GPC5: variants seen among roughly 807,000 people sequenced by gnomAD.
The protein encoded by GPC5 is glypican-5.
GPC5 carries 47 observed loss-of-function variants against 53.9 expected under a neutral mutation model. That is an observed-to-expected ratio of 0.87 (90% CI 0.69 to 1.11). The LOEUF (loss-of-function observed/expected upper bound fraction) is 1.11, where lower values mean the gene tolerates loss of function less well. Among genes scored for constraint, GPC5 ranks in the 50% most tolerant of loss-of-function variants. The pLI, the probability that GPC5 is intolerant of heterozygous loss-of-function variation, is 0.00. For synonymous variants in GPC5, 286 were observed against 263.3 expected (o/e 1.09, Z -0.84); for missense variants, 748 against 713.1 (o/e 1.05, Z -0.56).
chr13:91,832,257 T>TAAA (rs2038669038), intron 5 of GPC5, among the ~76,000 whole-genome samples: 1 of 151,818 alleles, frequency 6.6e-6, no homozygotes, highest in Non-Finnish European at 1.5e-5. Flanking sequence ...TTTGTTGGTT[T>TAAA]AAAGTCTTAT....
intron 7 of GPC5, among the ~76,000 whole-genome samples, chr13:92,672,780 G>A (rs1035948579): frequency 2.0e-5 from 3 of 152,084 alleles, no homozygotes; most frequent in Non-Finnish European, 4.4e-5. Context: ...AACTAACATA[G>A]GAAGAGAAAA....
intron 7 of GPC5, among the ~76,000 whole-genome samples, chr13:92,691,529 C>A (rs181306891): frequency 0.071 from 10,825 of 151,604 alleles, 476 homozygotes; most frequent in Admixed American, 0.13. Context: ...CCGTCTTCTG[C>A]GTCGCTCACG....
chr13:92,558,208 A>T (rs1882567078), intron 7 of GPC5, among the ~76,000 whole-genome samples: 1 of 152,062 alleles, frequency 6.6e-6, no homozygotes, highest in Non-Finnish European at 1.5e-5. Flanking sequence ...AGGAAAGCTG[A>T]TAAGGATAAT....
intron 2 of GPC5, among the ~76,000 whole-genome samples, chr13:91,658,648 TA>T (rs1234713382): frequency 6.6e-6 from 1 of 152,196 alleles, no homozygotes; most frequent in African/African-American, 2.4e-5. Context: ...TGTTTCTGAC[TA>T]ATATAATTAC....
At chr13:92,597,126 T>G (rs1883907370) in intron 7 of GPC5, among the ~76,000 whole-genome samples, 1 of 152,202 alleles carries the variant, frequency 6.6e-6, no homozygotes, top group Non-Finnish European at 1.5e-5. Context: ...CTTACAATGA[T>G]TTAACATGCA....
intron 7 of GPC5, among the ~76,000 whole-genome samples, chr13:92,603,910 G>T (rs1278236527): frequency 6.6e-6 from 1 of 152,232 alleles, no homozygotes; most frequent in East Asian, 1.9e-4. Context: ...TGGGGACCAG[G>T]TCTGGAAGTT....
intron 2 of GPC5, among the ~76,000 whole-genome samples, chr13:91,452,100 A>G (rs949039419): frequency 2.0e-5 from 3 of 151,158 alleles, no homozygotes; most frequent in African/African-American, 7.3e-5. Context: ...TTCTCCTACT[A>G]CAGCCTCCCG....
intron 5 of GPC5, among the ~76,000 whole-genome samples, chr13:91,790,138 A>G (rs2037941852): frequency 6.6e-6 from 1 of 152,100 alleles, no homozygotes; most frequent in Non-Finnish European, 1.5e-5. Context: ...CATCTTTTAT[A>G]TTTTTTATAC....
chr13:92,553,517 A>G (rs901418761), intron 7 of GPC5, among the ~76,000 whole-genome samples: 5 of 151,942 alleles, frequency 3.3e-5, no homozygotes, highest in African/African-American at 2.4e-5. Flanking sequence ...CAATAAATTT[A>G]TATGGTAATG....
At chr13:91,951,211 A>C (rs928028501) in intron 6 of GPC5, among the ~76,000 whole-genome samples, 20 of 152,136 alleles carry the variant, frequency 1.3e-4, no homozygotes, top group Non-Finnish European at 4.4e-5. Flanking sequence ...AATAATTATA[A>C]ATTATCTAAA....
At chr13:92,865,757 A>C (rs1326382166) in intron 7 of GPC5, among the ~76,000 whole-genome samples, 2 of 152,166 alleles carry the variant, frequency 1.3e-5, no homozygotes, top group East Asian at 1.9e-4. Flanking sequence ...ATTGTACCCC[A>C]TCAATATCTA....
intron 7 of GPC5, among the ~76,000 whole-genome samples, chr13:92,186,490 TAATAA>T (rs2042184676): frequency 6.6e-6 from 1 of 152,016 alleles, no homozygotes; most frequent in Non-Finnish European, 1.5e-5. Flanking sequence ...TAGGTTTCTA[TAATAA>T]AATATATTAA....
chr13:91,812,027 A>G (rs2038320037), intron 5 of GPC5, among the ~76,000 whole-genome samples: 1 of 152,214 alleles, frequency 6.6e-6, no homozygotes, highest in African/African-American at 2.4e-5. Flanking sequence ...TATATAGACT[A>G]TGAATAAAGT....
At chr13:92,427,878 G>A (rs1224921404) in intron 7 of GPC5, among the ~76,000 whole-genome samples, 1 of 152,102 alleles carries the variant, frequency 6.6e-6, no homozygotes, top group African/African-American at 2.4e-5. Context: ...AGAAGTGTTT[G>A]CCAAAAAGTA....
chr13:92,093,459 C>G lies in GPC5; in HGVS notation c.1402-51371C>G, dbSNP rs186551195. On this transcript the variant is annotated intron_variant, in intron 6 of 7. Coordinates refer to ENST00000377067, the MANE Select transcript of GPC5 (RefSeq NM_004466.6). ...ATGTATATAAAAATACACGAACTCA[C>G]ATAGTTATATCAGAGAATTATTTAT... is the stretch of plus-strand genomic sequence containing the variant. 4.1e-3 allele frequency among the ~76,000 whole-genome samples: 626 copies of G among 152,164 alleles called. 2 individuals are homozygous for G. Among genetic ancestry groups the G allele is most frequent in the Non-Finnish European group, 6.1e-3 (413 of 67,968 alleles).
At chr13:91,806,253 C>CTTGT in intron 5 of GPC5, among the ~76,000 whole-genome samples, 1 of 151,688 alleles carries the variant, frequency 6.6e-6, no homozygotes, top group Admixed American at 6.6e-5. Flanking sequence ...CCAGGCTGGT[C>CTTGT]TTGTACTCGT....
chr13:92,269,414 T>TC (rs1566511731), intron 7 of GPC5, among the ~76,000 whole-genome samples: 1 of 150,628 alleles, frequency 6.6e-6, no homozygotes, highest in African/African-American at 2.5e-5. Context: ...TGTTTTGTTT[T>TC]GTTTTTTTTG....
chr13:92,117,716 C>T (rs762997670), intron 6 of GPC5, among the ~76,000 whole-genome samples: 1 of 152,082 alleles, frequency 6.6e-6, no homozygotes, highest in Non-Finnish European at 1.5e-5. Context: ...TTCATAAACA[C>T]TTTATTTTTT....
intron 7 of GPC5, among the ~76,000 whole-genome samples, chr13:92,297,188 A>G (rs1042134140): frequency 2.6e-5 from 4 of 152,180 alleles, no homozygotes; most frequent in Non-Finnish European, 5.9e-5. Context: ...AAACACACCA[A>G]TCAGCACCCT....
Sources: gnomAD v4.1 joint callset for allele counts (sites outside exome capture counted in the v4.1 genomes callset) on GRCh38, gnomAD v4.1.1 for gene constraint, MANE v1.5 for transcripts, NCBI Gene and HGNC (gene_info 2026-07-23, HGNC 2026-07-21) for gene names.